The following OR3A2 variants were observed in gnomAD, a reference collection of about 807,000 sequenced individuals.
OR3A2 encodes the protein olfactory receptor 3A2.
For synonymous variants in OR3A2, 126 were observed against 159.3 expected, an observed-to-expected ratio of 0.79 and a Z score of 1.57; for missense variants, 318 against 392.8, an observed-to-expected ratio of 0.81 and a Z score of 1.61.
intron 3 of OR3A2, chr17:3,310,601 T>G: frequency 1.9e-6 from 1 of 539,356 alleles, no homozygotes. Context: ...GCATTCCCTA[T>G]AAGGCCTGCC....
chr17:3,350,585 G>C (rs2049411799), intron 2 of OR3A2, among the ~76,000 whole-genome samples: 2 of 150,504 alleles, frequency 1.3e-5, no homozygotes, highest in African/African-American at 4.9e-5. Context: ...TGGATTCACA[G>C]CCGAATTCTA....
At chr17:3,371,874 A>G (rs182801) in intron 2 of OR3A2, among the ~76,000 whole-genome samples, 78,201 of 115,012 alleles carry the variant, frequency 0.68, 26,641 homozygotes, top group East Asian at 0.98. Flanking sequence ...CCGGGAGGGG[A>G]GCTGACCCCC....
intron 3 of OR3A2, among the ~76,000 whole-genome samples, chr17:3,314,794 C>T (rs1334282010): frequency 4.6e-5 from 7 of 152,164 alleles, no homozygotes; most frequent in Admixed American, 1.3e-4. Context: ...ATTCCATCAC[C>T]TTGGTCATGA....
intron 3 of OR3A2, among the ~76,000 whole-genome samples, chr17:3,318,929 T>G (rs1484433647): frequency 6.6e-6 from 1 of 151,156 alleles, no homozygotes; most frequent in Non-Finnish European, 1.5e-5. Context: ...GAATCTCTAT[T>G]TCCTATTGTA....
chr17:3,299,450 G>A lies in OR3A2; in HGVS notation c.-84-20297C>T, dbSNP rs183252701. The stretch of plus-strand genomic sequence containing the variant: ...CATGACTTTGGAATTGGTGGTAGAA[G>A]AGCTGAGTTCAGTTAGGAGGGACCA... On this transcript the variant is annotated intron_variant, in intron 3 of 4. Transcript: ENST00000573491. 5.1e-3 allele frequency among the ~76,000 whole-genome samples: 777 copies of A among 152,350 alleles called. 3 individuals are homozygous for A. Among genetic ancestry groups the A allele is most frequent in the African/African-American group, 0.018 (740 of 41,574 alleles).
chr17:3,372,416 C>T (rs1314393519), intron 2 of OR3A2, among the ~76,000 whole-genome samples: 14 of 151,840 alleles, frequency 9.2e-5, no homozygotes, highest in African/African-American at 1.7e-4. Context: ...ACTTCCCAGA[C>T]GGGGTGGCGG....
At chr17:3,284,803 A>T (rs1436769553), upstream of OR3A2, among the ~76,000 whole-genome samples, 1 of 132,926 alleles carries the variant, frequency 7.5e-6, no homozygotes, top group Non-Finnish European at 1.6e-5. Context: ...GCAGCTGGAG[A>T]CTCTATATGG....
At chr17:3,322,116 G>A (rs1486021437) in intron 3 of OR3A2, among the ~76,000 whole-genome samples, 6 of 152,014 alleles carry the variant, frequency 3.9e-5, no homozygotes, top group African/African-American at 1.2e-4. Context: ...TGTACGTGTC[G>A]AGAAATTTAT....
chr17:3,349,235 G>A (rs1050971373), intron 2 of OR3A2, among the ~76,000 whole-genome samples: 1 of 152,038 alleles, frequency 6.6e-6, no homozygotes, highest in Admixed American at 6.6e-5. Context: ...ACACAGACTG[G>A]CAAATTGGAT....
At chr17:3,308,747 C>T (rs866929946) in intron 3 of OR3A2, among the ~76,000 whole-genome samples, 77 of 152,178 alleles carry the variant, frequency 5.1e-4, no homozygotes, top group South Asian at 4.1e-4. Context: ...GACCTGAGGA[C>T]GGCATTCTCC....
intron 3 of OR3A2, among the ~76,000 whole-genome samples, chr17:3,315,908 T>A (rs2150633290): frequency 6.6e-6 from 1 of 152,260 alleles, no homozygotes; most frequent in Non-Finnish European, 1.5e-5. Flanking sequence ...GATCAAGATT[T>A]AGAGGCAGTC....
At chr17:3,292,585 G>C (rs1208145470) in intron 3 of OR3A2, 19 of 1,593,296 alleles carry the variant, frequency 1.2e-5, no homozygotes, top group African/African-American at 2.7e-5. Flanking sequence ...GGCTGCATGA[G>C]TTCCTGCAAA....
At chr17:3,330,101 T>C (rs2150641465) in intron 3 of OR3A2, among the ~76,000 whole-genome samples, 1 of 147,336 alleles carries the variant, frequency 6.8e-6, no homozygotes, top group African/African-American at 2.7e-5. Flanking sequence ...CTCTGTTCTT[T>C]TACATTTGCT....
intron 2 of OR3A2, among the ~76,000 whole-genome samples, chr17:3,364,631 A>G (rs945566212): frequency 6.6e-6 from 1 of 152,216 alleles, no homozygotes; most frequent in African/African-American, 2.4e-5. Context: ...AAGGATATGG[A>G]GAAAAAGGAA....
At chr17:3,358,556 TG>T (rs1567566855) in intron 2 of OR3A2, among the ~76,000 whole-genome samples, 1 of 151,688 alleles carries the variant, frequency 6.6e-6, no homozygotes, top group Non-Finnish European at 1.5e-5. Flanking sequence ...TTCAGGAGCA[TG>T]TTGTTTAATT....
chr17:3,375,807 T>C (rs2049678337), intron 2 of OR3A2, among the ~76,000 whole-genome samples: 1 of 152,204 alleles, frequency 6.6e-6, no homozygotes, highest in Non-Finnish European at 1.5e-5. Context: ...GATATGGTGC[T>C]CTCCCCCTTC....
rs2048913808 is a variant in OR3A2 at position 3,295,769 on chromosome 17, G to A, written c.-84-16616C>T. Among the ~76,000 whole-genome samples, 4 of 151,906 alleles carry A rather than the reference G, an allele frequency of 2.6e-5. No individual in the cohort carries two copies. The South Asian group carries it at 6.2e-4, about 24-fold the overall frequency. On this transcript the variant is annotated intron_variant, in intron 3 of 4. Transcript: ENST00000573491. ...CAGATGTAAACGAAAATAAAGCAGG[G>A]ATCATAATCTTAATATAAAATGTGT...
chr17:3,368,014 T>G (rs992066765), intron 2 of OR3A2, among the ~76,000 whole-genome samples: 1 of 152,222 alleles, frequency 6.6e-6, no homozygotes, highest in Non-Finnish European at 1.5e-5. Flanking sequence ...TTTTTTCCTA[T>G]GTTTGCTGAC....
chr17:3,292,457 G>A (rs778158296), intron 3 of OR3A2: 1 of 1,613,472 alleles, frequency 6.2e-7, no homozygotes, highest in Non-Finnish European at 8.5e-7. Context: ...GGTTGCCCCT[G>A]ACCGTGACCA....
Sources: allele counts gnomAD v4.1 joint callset (sites outside exome capture counted in the v4.1 genomes callset), GRCh38; gene constraint gnomAD v4.1.1; transcripts MANE v1.5; gene names NCBI Gene and HGNC (gene_info 2026-07-23, HGNC 2026-07-21).